The following ESRRB variants were observed in gnomAD, a reference collection of about 807,000 sequenced individuals.
ESRRB encodes steroid hormone receptor ERR2.
Under a neutral mutation model 46.0 loss-of-function variants are expected in ESRRB, and 16 were observed. That is an observed-to-expected ratio of 0.35 (90% CI 0.24 to 0.53). ESRRB has a LOEUF of 0.53. ESRRB is among the 20% of genes least tolerant of loss of function. The pLI is 0.93. For synonymous variants in ESRRB, 246 were observed against 259.6 expected, an observed-to-expected ratio of 0.95 and a Z score of 0.50; for missense variants, 488 against 607.4, an observed-to-expected ratio of 0.80 and a Z score of 2.07.
intron 1 of ESRRB, among the ~76,000 whole-genome samples, chr14:76,434,422 C>T (rs977432160): frequency 4.6e-5 from 7 of 151,954 alleles, no homozygotes; most frequent in East Asian, 3.9e-4. Context: ...GAGGTAAAGG[C>T]GGGGGATCAC....
Position 76,501,008 on chromosome 14 carries a change from T to A in ESRRB, c.*2550T>A. On this transcript the variant is annotated 3_prime_UTR_variant, in exon 7 of 7. Transcript: ENST00000644823. ...TCAGGGGCCAACTTCTTAGCTGGAA[T>A]CCTGGCCAGATGAGGACCCTCTCCG... The A allele has an allele frequency of 1.9e-6, 1 of 515,118 alleles. No homozygotes were observed. Among genetic ancestry groups the A allele is most frequent in the South Asian group, 2.3e-5 (1 of 42,974 alleles). The allele number at this position is 515,118 out of a possible 1,614,324, so 31.9% of individuals were successfully genotyped here. A position where few individuals can be genotyped will look rare whatever the true frequency, so the allele number is the denominator to read the frequency against.
intron 3 of ESRRB, among the ~76,000 whole-genome samples, chr14:76,470,562 C>T (rs2140008500): frequency 6.6e-6 from 1 of 152,324 alleles, no homozygotes; most frequent in East Asian, 1.9e-4. Flanking sequence ...CACTTTTCTG[C>T]CAGGGAGTCT....
At chr14:76,338,012 G>A (rs528167615) in intron 1 of ESRRB, among the ~76,000 whole-genome samples, 4 of 152,252 alleles carry the variant, frequency 2.6e-5, no homozygotes, top group South Asian at 2.1e-4. Context: ...GAGCTGCCTC[G>A]GGGCCCCTCT....
At chr14:76,344,114 A>G (rs7143871) in intron 1 of ESRRB, among the ~76,000 whole-genome samples, 57,154 of 152,090 alleles carry the variant, frequency 0.38, 10,825 homozygotes, top group Admixed American at 0.48. Flanking sequence ...CAGTTTTCTC[A>G]TCTGTAAAAT....
chr14:76,361,517 G>A (rs1884464138), intron 1 of ESRRB, among the ~76,000 whole-genome samples: 1 of 152,210 alleles, frequency 6.6e-6, no homozygotes, highest in South Asian at 2.1e-4. Context: ...ATACTTCTGA[G>A]AGTTATCTCA....
intron 1 of ESRRB, among the ~76,000 whole-genome samples, chr14:76,383,845 A>C (rs935153183): frequency 2.6e-5 from 4 of 152,190 alleles, no homozygotes; most frequent in Admixed American, 1.3e-4. Flanking sequence ...TTGGTGAAAA[A>C]AACAAGAAGG....
intron 1 of ESRRB, among the ~76,000 whole-genome samples, chr14:76,379,639 T>C (rs1468416382): frequency 2.0e-5 from 3 of 151,968 alleles, no homozygotes; most frequent in Admixed American, 6.5e-5. Context: ...GGATGGGTGA[T>C]AGGAGGTGGG....
At chr14:76,390,632 G>A (rs542437743) in intron 1 of ESRRB, among the ~76,000 whole-genome samples, 50 of 152,218 alleles carry the variant, frequency 3.3e-4, no homozygotes, top group Non-Finnish European at 4.1e-4. Context: ...CAAATTCTAC[G>A]GAAACAGATG....
chr14:76,363,126 G>A (rs1884483349), intron 1 of ESRRB, among the ~76,000 whole-genome samples: 1 of 152,214 alleles, frequency 6.6e-6, no homozygotes. Flanking sequence ...TCCAAGGAAT[G>A]AGAGGAATTG....
chr14:76,353,209 T>C (rs1011256823), intron 1 of ESRRB, among the ~76,000 whole-genome samples: 3 of 152,186 alleles, frequency 2.0e-5, no homozygotes, highest in Non-Finnish European at 2.9e-5. Flanking sequence ...CCCCCTTATC[T>C]TGGTGAGGTT....
intron 1 of ESRRB, among the ~76,000 whole-genome samples, chr14:76,417,450 T>C (rs1343896085): frequency 6.6e-6 from 1 of 152,192 alleles, no homozygotes; most frequent in Non-Finnish European, 1.5e-5. Flanking sequence ...TCCTAGTGTG[T>C]TTCTCTGGTG....
chr14:76,490,326 C>T (rs2140047723), intron 5 of ESRRB, among the ~76,000 whole-genome samples: 1 of 152,308 alleles, frequency 6.6e-6, no homozygotes, highest in Non-Finnish European at 1.5e-5. Context: ...TCTTACTCTC[C>T]TATAAATCAA....
intron 2 of ESRRB, among the ~76,000 whole-genome samples, chr14:76,441,617 C>T (rs1455846763): frequency 6.6e-6 from 1 of 152,202 alleles, no homozygotes; most frequent in East Asian, 1.9e-4. Flanking sequence ...CGTGCCTCGC[C>T]GATAGCTGTG....
intron 1 of ESRRB, among the ~76,000 whole-genome samples, chr14:76,349,098 C>T (rs1450968793): frequency 1.3e-5 from 2 of 152,228 alleles, no homozygotes; most frequent in African/African-American, 4.8e-5. Context: ...GAGGAGGTGT[C>T]CTCTGTGACC....
chr14:76,332,186 A>G (rs1884021264), intron 1 of ESRRB, among the ~76,000 whole-genome samples: 1 of 151,900 alleles, frequency 6.6e-6, no homozygotes, highest in East Asian at 2.0e-4. Flanking sequence ...GGTGACATGT[A>G]AGCCTCCATC....
chr14:76,317,604 TA>T (rs1955946697), intron 1 of ESRRB, among the ~76,000 whole-genome samples: 1 of 152,062 alleles, frequency 6.6e-6, no homozygotes. Flanking sequence ...AGTTAAAAAA[TA>T]AAGTCAACTG....
upstream of ESRRB, among the ~76,000 whole-genome samples, chr14:76,371,937 G>A (rs910368131): frequency 6.6e-6 from 1 of 152,176 alleles, no homozygotes; most frequent in African/African-American, 2.4e-5. Context: ...GACACTGCTT[G>A]CTGCTGCCTC....
intron 1 of ESRRB, among the ~76,000 whole-genome samples, chr14:76,363,137 T>C (rs935958721): frequency 6.6e-6 from 1 of 152,206 alleles, no homozygotes; most frequent in Non-Finnish European, 1.5e-5. Flanking sequence ...AGAGGAATTG[T>C]GCATTGGTTG....
intron 1 of ESRRB, among the ~76,000 whole-genome samples, chr14:76,342,249 G>A (rs1217775513): frequency 6.6e-6 from 1 of 152,198 alleles, no homozygotes; most frequent in Non-Finnish European, 1.5e-5. Flanking sequence ...TGAGTGGCAG[G>A]AGGCTTTCCC....
Sources: allele counts gnomAD v4.1 joint callset (sites outside exome capture counted in the v4.1 genomes callset), GRCh38; gene constraint gnomAD v4.1.1; transcripts MANE v1.5; gene names NCBI Gene and HGNC (gene_info 2026-07-23, HGNC 2026-07-21).